YES1: variants seen among roughly 807,000 people sequenced by gnomAD.
YES1 encodes the protein tyrosine-protein kinase Yes.
A neutral mutation model predicts 70.4 loss-of-function variants in YES1; 39 were observed. The observed-to-expected ratio is 0.55, with a 90% CI of 0.43 to 0.72. YES1 has a LOEUF of 0.72. Among genes scored for constraint, YES1 ranks in the 30% least tolerant of loss-of-function variants. The probability of loss-of-function intolerance (pLI) is 0.00; values close to 1 mark genes in which losing one functional copy is unlikely to be tolerated. For missense variants in YES1, 495 were observed against 644.8 expected, an observed-to-expected ratio of 0.77 and a Z score of 2.52; for synonymous variants, 198 against 218.6, an observed-to-expected ratio of 0.91 and a Z score of 0.83.
rs1434151124 is a variant in YES1, at chr18:742,957, C to T, written c.1021G>A (p.Glu341Lys). 2.5e-6 allele frequency: 4 copies of T among 1,601,018 alleles called. No homozygotes were observed. In the Admixed American group the frequency reaches 5.4e-5, roughly 22 times the overall value. ...TCAGTGACAATGTAAATTGGTTCTT[C>T]AGAAACAACAGCATATAGTGGAACA... The part of the protein sequence containing the change: ...KLVPLYAVVS[E>K]EPIYIVTEFM... Residue 341 changes from glutamate to lysine, a missense_variant, in exon 8 of 12, where the codon GAA (glutamate) becomes AAA (lysine). Physicochemically the swap from Glu to Lys is moderately conservative, Grantham distance 56 (BLOSUM62 1). Coordinates refer to ENST00000314574, the MANE Select transcript of YES1 (RefSeq NM_005433.4).
intron 1 of YES1, among the ~76,000 whole-genome samples, chr18:808,702 TCTC>T (rs1164149108): frequency 4.6e-5 from 7 of 152,118 alleles, no homozygotes; most frequent in African/African-American, 1.4e-4. Context: ...ACAGATGAGA[TCTC>T]TTCTTCAACT....
chr18:779,976 G>A (rs1395367327), intron 1 of YES1, among the ~76,000 whole-genome samples: 1 of 149,660 alleles, frequency 6.7e-6, no homozygotes, highest in Non-Finnish European at 1.5e-5. Context: ...GCTCACGCCT[G>A]TAATCCCAGC....
chr18:757,367 G>A (rs565209765), intron 1 of YES1, among the ~76,000 whole-genome samples: 10 of 152,210 alleles, frequency 6.6e-5, no homozygotes, highest in South Asian at 2.1e-4. Flanking sequence ...GCCGGGCGTG[G>A]TGGTGGGCGC....
At chr18:749,337 A>C (rs1334289239) in intron 3 of YES1, among the ~76,000 whole-genome samples, 1 of 151,816 alleles carries the variant, frequency 6.6e-6, no homozygotes, top group Non-Finnish European at 1.5e-5. Context: ...GTCCCTACTA[A>C]AAATACAAAA....
chr18:728,455 T>C (rs1029694334), intron 11 of YES1, among the ~76,000 whole-genome samples: 4 of 152,208 alleles, frequency 2.6e-5, no homozygotes, highest in Non-Finnish European at 5.9e-5. Flanking sequence ...ACCTGTCACA[T>C]GAGGACGGGT....
At chr18:737,602 A>G (rs1171662024) in intron 9 of YES1, 4 of 152,386 alleles carry the variant, frequency 2.6e-5, no homozygotes, top group Admixed American at 2.0e-4. Context: ...GCACAACCTA[A>G]GATGACATGG....
At chr18:800,886 G>A (rs528089325) in intron 1 of YES1, among the ~76,000 whole-genome samples, 9 of 152,296 alleles carry the variant, frequency 5.9e-5, no homozygotes, top group East Asian at 3.9e-4. Flanking sequence ...GGTGGCTCAC[G>A]ACTGTAATCC....
chr18:743,128 AT>A, intron 7 of YES1, 31 bp from the exon 8 acceptor site: 1 of 1,549,578 alleles, frequency 6.5e-7, no homozygotes. Context: ...AGGAATTTAT[AT>A]TTTAAAGGAT....
intron 1 of YES1, among the ~76,000 whole-genome samples, chr18:765,297 T>C (rs1904846225): frequency 7.1e-6 from 1 of 140,070 alleles, no homozygotes; most frequent in South Asian, 2.3e-4. Flanking sequence ...TATATATCTG[T>C]AGCAATTTTT....
intron 1 of YES1, among the ~76,000 whole-genome samples, chr18:792,778 T>C (rs149343889): frequency 4.0e-5 from 6 of 151,460 alleles, no homozygotes; most frequent in Admixed American, 2.6e-4. Context: ...CTGGGCAACA[T>C]AGAGAGACCT....
At chr18:730,119 C>T (rs2080070768) in intron 11 of YES1, among the ~76,000 whole-genome samples, 1 of 152,128 alleles carries the variant, frequency 6.6e-6, no homozygotes, top group African/African-American at 2.4e-5. Context: ...TAGTTTTGCT[C>T]AGTTTTGCCC....
chr18:797,811 TTC>T (rs1347937196), intron 1 of YES1, among the ~76,000 whole-genome samples: 1 of 152,220 alleles, frequency 6.6e-6, no homozygotes, highest in Non-Finnish European at 1.5e-5. Flanking sequence ...TCTCCATGAT[TTC>T]TCTCTTACTG....
chr18:747,822 T>C (rs1482811145), intron 4 of YES1, 98 bp downstream of exon 4: 5 of 1,023,504 alleles, frequency 4.9e-6, no homozygotes, highest in South Asian at 2.8e-5. Context: ...TTAAGACTGG[T>C]ATATAATTCT....
chr18:757,237 C>T (rs1262790164), intron 1 of YES1, among the ~76,000 whole-genome samples: 3 of 152,358 alleles, frequency 2.0e-5, no homozygotes, highest in South Asian at 2.1e-4. Flanking sequence ...GGCGCAGTGG[C>T]TCACGCCTGT....
At chr18:800,116 T>C (rs1041451980) in intron 1 of YES1, among the ~76,000 whole-genome samples, 3 of 152,240 alleles carry the variant, frequency 2.0e-5, no homozygotes, top group African/African-American at 4.8e-5. Flanking sequence ...GCGTTAATGA[T>C]ACTAGTTTAG....
intron 1 of YES1, among the ~76,000 whole-genome samples, chr18:782,999 A>G (rs1905751653): frequency 6.6e-6 from 1 of 152,034 alleles, no homozygotes; most frequent in Admixed American, 6.6e-5. Flanking sequence ...TGAATTTCTG[A>G]TCTCAATAGC....
chr18:724,300 G>C lies in YES1; in HGVS notation c.*124C>G. The C allele has an allele frequency of 2.1e-6, 2 of 946,618 alleles. No homozygotes were observed. The highest frequency in any genetic ancestry group is 3.1e-6 in the Non-Finnish European group (2 of 641,914). The allele number at this position is 946,618 out of a possible 1,614,324, so 58.6% of individuals were successfully genotyped here. On this transcript the variant is annotated 3_prime_UTR_variant, in exon 12 of 12. Coordinates refer to ENST00000314574, the MANE Select transcript of YES1 (RefSeq NM_005433.4). ...AGTGGTTTTGTGCAACCATATCTGG[G>C]ATTCCAGTTTACCATTAAAAACATG...
chr18:748,757 AG>A (rs2080309412), intron 3 of YES1, among the ~76,000 whole-genome samples: 1 of 151,914 alleles, frequency 6.6e-6, no homozygotes, highest in Admixed American at 6.6e-5. Flanking sequence ...TTCTCTTTAT[AG>A]TACATAAAAT....
In YES1 at chr18:792,860, A is replaced by AG. The variant is rs11356301; in HGVS notation, c.-9+19253dup. On this transcript the variant is annotated intron_variant, in intron 1 of 11. Coordinates refer to ENST00000314574, the MANE Select transcript of YES1 (RefSeq NM_005433.4). Reference sequence around the variant, plus strand: ...AAGTTATTTATCTCAATAAAAGCCAAGGGGGGGGAAAAAGCTTAAATCAAC... The same window carrying AG: ...AAGTTATTTATCTCAATAAAAGCCAAGGGGGGGGGAAAAAGCTTAAATCAAC... Among the ~76,000 whole-genome samples, 789 of 151,094 alleles carry AG rather than the reference A, an allele frequency of 5.2e-3. 4 individuals are homozygous for AG. Among genetic ancestry groups the AG allele is most frequent in the African/African-American group, 0.015 (617 of 41,136 alleles).
Sources: allele counts gnomAD v4.1 joint callset (sites outside exome capture counted in the v4.1 genomes callset), GRCh38; gene constraint gnomAD v4.1.1; transcripts MANE v1.5; gene names NCBI Gene and HGNC (gene_info 2026-07-23, HGNC 2026-07-21).